Variants in RGS6 observed in about 807,000 individuals in gnomAD.
RGS6 encodes the protein regulator of G protein signaling 6.
In RGS6, 30 loss-of-function variants were observed where a neutral mutation model predicts 78.5. The observed-to-expected ratio is 0.38, with a 90% CI of 0.29 to 0.52. RGS6 has a LOEUF of 0.52. Among genes scored for constraint, RGS6 ranks in the 20% least tolerant of loss-of-function variants. The pLI is 0.85. For synonymous variants in RGS6, 206 were observed against 206.0 expected (o/e 1.00, Z 0.00); for missense variants, 495 against 609.7 (o/e 0.81, Z 1.98).
chr14:72,191,971 T>A (rs2153720649), intron 2 of RGS6, among the ~76,000 whole-genome samples: 1 of 152,194 alleles, frequency 6.6e-6, no homozygotes, highest in East Asian at 1.9e-4. Flanking sequence ...CTCAGGGTGG[T>A]GCGTGGGGGT....
chr14:71,955,529 G>A (rs1595174958), intron 1 of RGS6, among the ~76,000 whole-genome samples: 1 of 152,178 alleles, frequency 6.6e-6, no homozygotes, highest in Non-Finnish European at 1.5e-5. Flanking sequence ...GCTATTTCTT[G>A]ATTATATGCT....
chr14:72,459,706 ACT>A (rs1566901808), intron 6 of RGS6, 23 bp downstream of exon 6: 1 of 1,612,680 alleles, frequency 6.2e-7, no homozygotes, highest in East Asian at 2.2e-5. Flanking sequence ...GCCACTGGGA[ACT>A]CTCAACTTCA....
chr14:72,072,490 G>A (rs2094442248), intron 2 of RGS6, among the ~76,000 whole-genome samples: 2 of 151,970 alleles, frequency 1.3e-5, no homozygotes, highest in African/African-American at 4.8e-5. Context: ...TGTATTTTTA[G>A]TACAGACGGG....
the RGS6 span, among the ~76,000 whole-genome samples, chr14:72,586,925 A>C: frequency 6.6e-6 from 1 of 152,174 alleles, no homozygotes; most frequent in African/African-American, 2.4e-5. Flanking sequence ...ATATTACCTG[A>C]ATATTTAACA....
intron 2 of RGS6, among the ~76,000 whole-genome samples, chr14:72,297,926 G>T (rs2065203754): frequency 1.3e-5 from 2 of 150,358 alleles, no homozygotes; most frequent in African/African-American, 5.0e-5. Context: ...TTATGTAGAA[G>T]GTTTTTTTTT....
chr14:72,365,724 C>A (rs775342551), intron 3 of RGS6, among the ~76,000 whole-genome samples: 1 of 151,912 alleles, frequency 6.6e-6, no homozygotes, highest in South Asian at 2.1e-4. Flanking sequence ...TTGGTTACAT[C>A]TTTATTAATA....
chr14:72,210,629 C>T (rs59374757), intron 2 of RGS6, among the ~76,000 whole-genome samples: 2,120 of 152,142 alleles, frequency 0.014, 47 homozygotes, highest in African/African-American at 0.048. Context: ...CTTCCCATTG[C>T]ATCTAATCAT....
chr14:72,242,589 C>T (rs1159459835), intron 2 of RGS6, among the ~76,000 whole-genome samples: 1 of 151,872 alleles, frequency 6.6e-6, no homozygotes, highest in East Asian at 1.9e-4. Context: ...GTGTTTTCTG[C>T]CGTTTTTGAC....
chr14:71,914,606 G>C, the RGS6 span, among the ~76,000 whole-genome samples: 1 of 151,866 alleles, frequency 6.6e-6, no homozygotes, highest in Non-Finnish European at 1.5e-5. Context: ...TTTACCAGTC[G>C]GTTTCCTGTA....
rs145447267 is a variant in RGS6 at position 72,322,323 on chromosome 14, A to G, written c.85-29772A>G. 1.7e-3 allele frequency among the ~76,000 whole-genome samples: 262 copies of G among 152,170 alleles called. 1 individual carries two copies. The highest frequency in any genetic ancestry group is 6.0e-3 in the African/African-American group (249 of 41,578). On this transcript the variant is annotated intron_variant, in intron 2 of 17. Coordinates refer to ENST00000553525, the MANE Select transcript of RGS6 (RefSeq NM_001204424.2). ...AATGGTTGCCAATAAGTTATTTTCT[A>G]GGAAAATATAAAATTACCAGGCATG...
At chr14:72,203,182 T>C (rs1035465910) in intron 2 of RGS6, among the ~76,000 whole-genome samples, 2 of 152,172 alleles carry the variant, frequency 1.3e-5, no homozygotes, top group African/African-American at 4.8e-5. Flanking sequence ...GCCCTGATCC[T>C]GTTTTTTAGA....
chr14:72,540,396 C>T lies in RGS6; in HGVS notation c.1422+302C>T, dbSNP rs369521659. On this transcript the variant is annotated intron_variant, in intron 17 of 17. Coordinates refer to ENST00000553525, the MANE Select transcript of RGS6 (RefSeq NM_001204424.2). ...TGAGGAGGAGGGACCCTGCTGCCCT[C>T]GGGGCTGTGCGGTTTGTGCATCTTC... is the stretch of plus-strand genomic sequence containing the variant. The T allele has an allele frequency of 2.4e-5, 35 of 1,459,214 alleles. 1 individual carries two copies. In the African/African-American group the frequency reaches 3.1e-4, roughly 13 times the overall value. The allele number at this position is 1,459,214 out of a possible 1,614,324, so 90.4% of individuals were successfully genotyped here. A position where few individuals can be genotyped will look rare whatever the true frequency, so the allele number is the denominator to read the frequency against.
At chr14:71,885,203 A>G in the RGS6 span, among the ~76,000 whole-genome samples, 1 of 152,322 alleles carries the variant, frequency 6.6e-6, no homozygotes, top group Non-Finnish European at 1.5e-5. Context: ...CATTTAATCA[A>G]CACTAAACAA....
At chr14:72,120,388 C>T (rs2096016644) in intron 2 of RGS6, among the ~76,000 whole-genome samples, 1 of 152,202 alleles carries the variant, frequency 6.6e-6, no homozygotes, top group African/African-American at 2.4e-5. Flanking sequence ...TGATTTGCTG[C>T]TTTCTGTTTC....
chr14:72,185,214 A>G (rs1484023988), intron 2 of RGS6, among the ~76,000 whole-genome samples: 1 of 152,058 alleles, frequency 6.6e-6, no homozygotes, highest in African/African-American at 2.4e-5. Flanking sequence ...AGTTGATTAG[A>G]TGGTGCCCAC....
chr14:72,515,285 T>C (rs1170417490), intron 14 of RGS6, among the ~76,000 whole-genome samples: 1 of 148,042 alleles, frequency 6.8e-6, no homozygotes, highest in Admixed American at 6.7e-5. Flanking sequence ...TCCTCCAGCA[T>C]GCCTGTTGTT....
chr14:72,412,116 T>C (rs191317260), intron 3 of RGS6, among the ~76,000 whole-genome samples: 126 of 152,338 alleles, frequency 8.3e-4, no homozygotes, highest in African/African-American at 2.9e-3. Flanking sequence ...CTTTTTCTAT[T>C]GACTGGAATG....
At chr14:71,964,911 G>A (rs775916565) in intron 2 of RGS6, 36 bp downstream of exon 2, 20 of 1,545,952 alleles carry the variant, frequency 1.3e-5, no homozygotes, top group African/African-American at 8.2e-5. Context: ...CGTGCTGTCC[G>A]TGTGGACTGT....
intron 2 of RGS6, among the ~76,000 whole-genome samples, chr14:72,053,780 C>T (rs745615920): frequency 1.2e-4 from 18 of 152,180 alleles, no homozygotes; most frequent in Non-Finnish European, 2.1e-4. Flanking sequence ...AATCTCTCCA[C>T]GAAATTGATC....
Sources: allele counts gnomAD v4.1 joint callset (sites outside exome capture counted in the v4.1 genomes callset), GRCh38; gene constraint gnomAD v4.1.1; transcripts MANE v1.5; gene names NCBI Gene and HGNC (gene_info 2026-07-23, HGNC 2026-07-21).